Variants in ERAP1 observed in about 807,000 individuals in gnomAD.
ERAP1 encodes adipocyte-derived leucine aminopeptidase.
A neutral mutation model predicts 103.7 loss-of-function variants in ERAP1; 86 were observed. The ratio of observed to expected loss-of-function variants is 0.83; its 90% CI spans 0.70 to 0.99. ERAP1 has a LOEUF of 0.99. ERAP1 is among the 50% of genes least tolerant of loss of function. ERAP1 has a pLI of 0.00. For synonymous variants in ERAP1, 398 were observed against 402.4 expected (o/e 0.99, Z 0.13); for missense variants, 1,009 against 1,128.4 (o/e 0.89, Z 1.52).
the ERAP1 span, among the ~76,000 whole-genome samples, chr5:96,863,337 A>G: frequency 6.6e-6 from 1 of 152,160 alleles, no homozygotes; most frequent in South Asian, 2.1e-4. Context: ...CCACCTCCTT[A>G]GCCCTCTGCA....
At chr5:96,915,767 G>A in the ERAP1 span, 23 of 1,597,794 alleles carry the variant, frequency 1.4e-5, no homozygotes, top group Non-Finnish European at 1.9e-5. Flanking sequence ...TAAGTTGCAA[G>A]AGGTTTGTGA....
At chr5:96,838,811 A>G in the ERAP1 span, among the ~76,000 whole-genome samples, 1 of 51,960 alleles carries the variant, frequency 1.9e-5, no homozygotes, top group Non-Finnish European at 4.6e-5. Flanking sequence ...CTTGTCTCTA[A>G]CACACACACA....
In ERAP1 at chr5:96,803,867, C is replaced by T; in HGVS notation, c.60G>A (p.Leu20=). The T allele has an allele frequency of 6.2e-7, 1 of 1,613,452 alleles. No individual in the cohort carries two copies. Among genetic ancestry groups the T allele is most frequent in the Non-Finnish European group, 8.5e-7 (1 of 1,180,010 alleles). ...LATMSFLLSS[L]LALLTVSTPS... ...GAGTGGACACAGTTAAGAGAGCCAA[C>T]AGTGAGGAAAGTAGAAATGACATGG... Residue 20 remains leucine (L), a synonymous_variant, in exon 2 of 19, where the codon CTG becomes CTA. Transcript: ENST00000443439.
intron 8 of ERAP1, 105 bp downstream of exon 8, chr5:96,791,956 G>GCATTC: frequency 8.2e-7 from 1 of 1,224,988 alleles, no homozygotes; most frequent in Non-Finnish European, 1.2e-6. Flanking sequence ...AAGAGAGAAG[G>GCATTC]CATTCAATCT....
chr5:96,915,819 G>T, the ERAP1 span: 1 of 1,414,846 alleles, frequency 7.1e-7, no homozygotes, highest in South Asian at 1.3e-5. Flanking sequence ...TTCAAATTGT[G>T]GAATTGAAAG....
the ERAP1 span, among the ~76,000 whole-genome samples, chr5:96,872,202 G>A: frequency 3.9e-5 from 6 of 152,196 alleles, no homozygotes; most frequent in African/African-American, 9.6e-5. Flanking sequence ...TGGCTTCAGA[G>A]TTACAAGCAT....
chr5:96,783,614 A>G (rs563531197), intron 14 of ERAP1, among the ~76,000 whole-genome samples: 61 of 152,320 alleles, frequency 4.0e-4, no homozygotes, highest in Non-Finnish European at 7.8e-4. Context: ...AGAGTCCCAG[A>G]AAATCTGAAC....
chr5:96,766,159 A>C, intron 19 of ERAP1: 2 of 1,438,532 alleles, frequency 1.4e-6, no homozygotes, highest in Non-Finnish European at 2.0e-6. Context: ...AACTGAGGCA[A>C]ATTGCTAGAT....
the ERAP1 span, among the ~76,000 whole-genome samples, chr5:96,866,316 A>G: frequency 5.3e-5 from 8 of 152,102 alleles, no homozygotes. Context: ...TGCATCCCAT[A>G]TTTTGGTCTG....
chr5:96,884,070 C>CTA, the ERAP1 span: 1 of 644,642 alleles, frequency 1.6e-6, no homozygotes, highest in Non-Finnish European at 2.5e-6. Flanking sequence ...ATCTATCTAT[C>CTA]TATCTATCTA....
chr5:96,844,297 C>T, the ERAP1 span, among the ~76,000 whole-genome samples: 1 of 152,172 alleles, frequency 6.6e-6, no homozygotes, highest in East Asian at 1.9e-4. Flanking sequence ...TTAATGTCAC[C>T]TCATCAGGTA....
the ERAP1 span, among the ~76,000 whole-genome samples, chr5:96,922,922 C>T: frequency 6.6e-6 from 1 of 152,168 alleles, no homozygotes; most frequent in Non-Finnish European, 1.5e-5. Flanking sequence ...CTTCTAGTTT[C>T]AAACAACTGT....
chr5:96,875,025 A>T, the ERAP1 span, among the ~76,000 whole-genome samples: 60 of 152,322 alleles, frequency 3.9e-4, no homozygotes, highest in African/African-American at 1.3e-3. Flanking sequence ...CCCTCTGTAA[A>T]TGGGGAAATC....
chr5:96,794,591 C>T (rs899686247), intron 5 of ERAP1, among the ~76,000 whole-genome samples: 3 of 152,170 alleles, frequency 2.0e-5, no homozygotes, highest in South Asian at 4.1e-4. Context: ...ATGCCCAAGA[C>T]CCACATATAC....
At chr5:96,883,022 G>A in the ERAP1 span, among the ~76,000 whole-genome samples, 1 of 152,282 alleles carries the variant, frequency 6.6e-6, no homozygotes, top group East Asian at 1.9e-4. Flanking sequence ...AAGTTTATCA[G>A]AGTATATATC....
At chr5:96,893,841 T>A in the ERAP1 span, among the ~76,000 whole-genome samples, 410 of 152,290 alleles carry the variant, frequency 2.7e-3, 5 homozygotes, top group African/African-American at 9.2e-3. Context: ...CTCTCCATCC[T>A]CATCTCTTGC....
chr5:96,840,641 A>T, the ERAP1 span, among the ~76,000 whole-genome samples: 43 of 152,224 alleles, frequency 2.8e-4, no homozygotes, highest in Non-Finnish European at 4.9e-4. Flanking sequence ...GCTTAAAAAA[A>T]TGCTGATACT....
intron 13 of ERAP1, 36 bp downstream of exon 13, chr5:96,785,752 C>A (rs1775910233): frequency 1.2e-6 from 2 of 1,608,936 alleles, no homozygotes; most frequent in Non-Finnish European, 1.7e-6. Flanking sequence ...CAGCTGCTTT[C>A]AGAAATAAAC....
chr5:96,919,009 A>T, the ERAP1 span: 1 of 152,216 alleles, frequency 6.6e-6, no homozygotes, highest in African/African-American at 2.4e-5. Flanking sequence ...ACAGATAGTA[A>T]ACTTAATTTG....
Sources: gnomAD v4.1 joint callset for allele counts (sites outside exome capture counted in the v4.1 genomes callset) on GRCh38, gnomAD v4.1.1 for gene constraint, MANE v1.5 for transcripts, NCBI Gene and HGNC (gene_info 2026-07-23, HGNC 2026-07-21) for gene names.